Variants in ANO3 observed in about 807,000 individuals in gnomAD.
ANO3 encodes anoctamin 3.
ANO3 carries 99 observed loss-of-function variants against 144.8 expected under a neutral mutation model. That is an observed-to-expected ratio of 0.68 (90% CI 0.58 to 0.81). The LOEUF is 0.81. Ranked by LOEUF, ANO3 falls within the 30% of genes least tolerant of loss-of-function variation. The pLI, the probability that ANO3 is intolerant of heterozygous loss-of-function variation, is 0.00. For missense variants in ANO3, 905 were observed against 1,202.2 expected, an observed-to-expected ratio of 0.75 and a Z score of 3.66; for synonymous variants, 414 against 392.6, an observed-to-expected ratio of 1.05 and a Z score of -0.64.
chr11:26,218,440 T>C (rs1284066564), intron 1 of ANO3, among the ~76,000 whole-genome samples: 1 of 152,124 alleles, frequency 6.6e-6, no homozygotes, highest in East Asian at 1.9e-4. Flanking sequence ...CCAATAACAT[T>C]TTAATTTCAT....
At chr11:26,450,254 G>A (rs866426427) in intron 3 of ANO3, among the ~76,000 whole-genome samples, 5 of 152,296 alleles carry the variant, frequency 3.3e-5, no homozygotes, top group Non-Finnish European at 5.9e-5. Context: ...AGGATTGGAA[G>A]AGTGCAGGGA....
At chr11:26,550,176 GATTAA>G (rs1375223811) in intron 12 of ANO3, among the ~76,000 whole-genome samples, 1 of 151,246 alleles carries the variant, frequency 6.6e-6, no homozygotes, top group African/African-American at 2.4e-5. Context: ...ATATGATTAT[GATTAA>G]TATATAATTA....
chr11:26,459,887 G>A (rs765920796), intron 3 of ANO3, among the ~76,000 whole-genome samples: 6 of 152,136 alleles, frequency 3.9e-5, no homozygotes, highest in East Asian at 1.9e-4. Context: ...TAGTTTCTAC[G>A]TTTTATTATT....
intron 1 of ANO3, among the ~76,000 whole-genome samples, chr11:26,207,643 A>G (rs996040956): frequency 2.0e-4 from 30 of 152,182 alleles, no homozygotes; most frequent in African/African-American, 7.2e-4. Flanking sequence ...GCACAGATAT[A>G]TTAACAAGAT....
In ANO3 at chr11:26,661,623, G is replaced by A. The variant is rs1853880182; in HGVS notation, c.*1179G>A. 6.6e-6 allele frequency: 1 copy of A among 152,082 alleles called. No homozygotes were observed. The highest frequency in any genetic ancestry group is 2.1e-4 in the South Asian group (1 of 4,826). The allele number at this position is 152,082 out of a possible 1,614,324, so 9.4% of individuals were successfully genotyped here. A position where few individuals can be genotyped will look rare whatever the true frequency, so the allele number is the denominator to read the frequency against. On this transcript the variant is annotated 3_prime_UTR_variant, in exon 27 of 27. Coordinates refer to ENST00000256737, the MANE Select transcript of ANO3 (RefSeq NM_031418.4). ...TTTTCATGACTGAAGGGAGTTTTAT[G>A]TTATTATTTCTTCCATAGTTTTGTT... is the stretch of plus-strand genomic sequence containing the variant.
At chr11:26,450,494 A>G (rs1858889384) in intron 3 of ANO3, among the ~76,000 whole-genome samples, 1 of 152,232 alleles carries the variant, frequency 6.6e-6, no homozygotes, top group African/African-American at 2.4e-5. Flanking sequence ...ACCACAGAGC[A>G]AGCCATGTAT....
At chr11:26,498,177 T>G (rs928898825) in intron 4 of ANO3, among the ~76,000 whole-genome samples, 4 of 152,040 alleles carry the variant, frequency 2.6e-5, no homozygotes, top group Admixed American at 1.3e-4. Flanking sequence ...CATATTTTAA[T>G]TTTGTAAATG....
rs971446922 is a variant in ANO3 at position 26,661,163 on chromosome 11, T to C, written c.*719T>C. 6.6e-5 allele frequency: 10 copies of C among 152,564 alleles called. No homozygotes were observed. Among genetic ancestry groups the C allele is most frequent in the Admixed American group, 3.3e-4 (5 of 15,252 alleles). 9.5% of individuals were successfully genotyped at this position (152,564 alleles called of 1,614,324 possible). On this transcript the variant is annotated 3_prime_UTR_variant, in exon 27 of 27. Coordinates refer to ENST00000256737, the MANE Select transcript of ANO3 (RefSeq NM_031418.4). ...TCTCTTTTACCCCTGGCAGAGCCAG[T>C]TGCAGTGCAATTTTTTGTACTAAAT...
At chr11:26,389,088 A>G (rs1856810223) in intron 1 of ANO3, among the ~76,000 whole-genome samples, 1 of 152,188 alleles carries the variant, frequency 6.6e-6, no homozygotes, top group Admixed American at 6.6e-5. Flanking sequence ...CCAGGCAATG[A>G]GTCCTTAGGA....
chr11:26,540,738 AC>A (rs1849622060), intron 10 of ANO3, among the ~76,000 whole-genome samples: 1 of 152,218 alleles, frequency 6.6e-6, no homozygotes, highest in Non-Finnish European at 1.5e-5. Flanking sequence ...AATCAAAACC[AC>A]AATGAGATAC....
At chr11:26,411,055 A>G (rs940223666) in intron 1 of ANO3, among the ~76,000 whole-genome samples, 1 of 151,996 alleles carries the variant, frequency 6.6e-6, no homozygotes, top group Non-Finnish European at 1.5e-5. Context: ...AAAGAGAAAC[A>G]TTTCCTAACT....
At chr11:26,630,058 G>A (rs1852727319) in intron 18 of ANO3, among the ~76,000 whole-genome samples, 1 of 152,180 alleles carries the variant, frequency 6.6e-6, no homozygotes, top group South Asian at 2.1e-4. Flanking sequence ...CAAGTAACAA[G>A]AAGATAAGTT....
intron 1 of ANO3, among the ~76,000 whole-genome samples, chr11:26,365,971 TATATATATATATATATATATATATATA>T (rs769921986): frequency 0.49 from 33,389 of 68,566 alleles, 5,206 homozygotes; most frequent in Non-Finnish European, 0.58. Context: ...TATATATATA[TATATATATATATATATATATATATATA>T]TATATTTTAA....
chr11:26,333,312 C>T (rs1297328985), intron 1 of ANO3, among the ~76,000 whole-genome samples: 1 of 148,150 alleles, frequency 6.7e-6, no homozygotes, highest in African/African-American at 2.5e-5. Context: ...GGTGGAGTCT[C>T]GCTCTGTTGC....
At chr11:26,588,328 C>T in intron 14 of ANO3, among the ~76,000 whole-genome samples, 1 of 35,650 alleles carries the variant, frequency 2.8e-5, no homozygotes, top group East Asian at 2.1e-3. Context: ...CTCAATTTTT[C>T]TGTATACCTT....
chr11:26,652,645 AATAG>A (rs1159183495), intron 24 of ANO3, among the ~76,000 whole-genome samples: 1 of 152,208 alleles, frequency 6.6e-6, no homozygotes, highest in Non-Finnish European at 1.5e-5. Context: ...TGTTCTAGTC[AATAG>A]ATAAAGTCCT....
intron 14 of ANO3, chr11:26,560,356 T>C (rs1319610802): frequency 1.3e-5 from 2 of 152,158 alleles, no homozygotes; most frequent in Non-Finnish European, 2.9e-5. Context: ...AAGCCTAAGA[T>C]ATATTAAGAC....
intron 4 of ANO3, among the ~76,000 whole-genome samples, chr11:26,506,512 G>A (rs1055182277): frequency 6.6e-6 from 1 of 152,138 alleles, no homozygotes; most frequent in African/African-American, 2.4e-5. Flanking sequence ...CTATGTTATG[G>A]AACTACAAGG....
Position 26,626,480 on chromosome 11 carries a change from A to G in ANO3, c.1873+1982A>G, listed in dbSNP as rs1852588598. Among the ~76,000 whole-genome samples the G allele has an allele frequency of 2.0e-5, 3 of 152,186 alleles. No homozygotes were observed. In the South Asian group the frequency reaches 6.2e-4, roughly 31 times the overall value. ...AATTGAGTATAATTGGCCAAGACCT[A>G]GTACCCCTGTCATTCTGAGTCACTG... On this transcript the variant is annotated intron_variant, in intron 18 of 26. Transcript: ENST00000256737.
Sources: gnomAD v4.1 joint callset for allele counts (sites outside exome capture counted in the v4.1 genomes callset) on GRCh38, gnomAD v4.1.1 for gene constraint, MANE v1.5 for transcripts, NCBI Gene and HGNC (gene_info 2026-07-23, HGNC 2026-07-21) for gene names.